Variants in GRAMD1A observed in about 807,000 individuals in gnomAD.
GRAMD1A encodes the protein GRAM domain containing 1A.
In GRAMD1A, 50 loss-of-function variants were observed where a neutral mutation model predicts 92.0. That is an observed-to-expected ratio of 0.54 (90% confidence interval 0.43 to 0.69). GRAMD1A has a LOEUF of 0.69. Ranked by LOEUF, GRAMD1A falls within the 30% of genes least tolerant of loss-of-function variation. The probability of loss-of-function intolerance (pLI) is 0.00; values close to 1 mark genes in which losing one functional copy is unlikely to be tolerated. For missense variants in GRAMD1A, 819 were observed against 978.9 expected, an observed-to-expected ratio of 0.84 and a Z score of 2.18; for synonymous variants, 405 against 403.6, an observed-to-expected ratio of 1.00 and a Z score of -0.04.
intron 19 of GRAMD1A, chr19:35,023,758 A>C (rs2016253052): frequency 1.9e-6 from 1 of 514,040 alleles, no homozygotes; most frequent in African/African-American, 1.9e-5. Flanking sequence ...CACGTCCTGG[A>C]GAAAAGTCCA....
intron 1 of GRAMD1A, among the ~76,000 whole-genome samples, chr19:35,006,216 G>A (rs756577533): frequency 2.0e-5 from 3 of 152,190 alleles, no homozygotes; most frequent in Non-Finnish European, 4.4e-5. Flanking sequence ...CAGCTACTGC[G>A]GAGGCTGAGG....
upstream of GRAMD1A, chr19:35,000,143 C>T: frequency 2.0e-6 from 2 of 1,000,976 alleles, no homozygotes; most frequent in Non-Finnish European, 2.4e-6. The surrounding 1 kb of genome is among the most constrained non-coding windows in gnomAD (Gnocchi z 4.9). Context: ...TTCTCTGTCT[C>T]TCTGCCCCTC....
intron 1 of GRAMD1A, among the ~76,000 whole-genome samples, chr19:35,008,903 C>T (rs1458509891): frequency 6.6e-6 from 1 of 152,170 alleles, no homozygotes; most frequent in African/African-American, 2.4e-5. Flanking sequence ...TGGATGAGGA[C>T]ATGTATTTAT....
chr19:35,007,845 C>T (rs1262924072), intron 1 of GRAMD1A, among the ~76,000 whole-genome samples: 1 of 151,934 alleles, frequency 6.6e-6, no homozygotes, highest in Non-Finnish European at 1.5e-5. Context: ...TGCACTCCAG[C>T]CTGAGTGACA....
chr19:35,009,378 C>T (rs202035308), intron 2 of GRAMD1A, 45 bp from the exon 3 acceptor site: 314 of 1,613,800 alleles, frequency 1.9e-4, no homozygotes, highest in African/African-American at 1.7e-3. Context: ...GGGGGCTGGC[C>T]GGTGATCTAG....
In GRAMD1A at chr19:35,015,884, A is replaced by T. The variant is rs1245942769; in HGVS notation, c.1130A>T (p.His377Leu). ...CGCCTCCTCATCAACTCTGTCTTCC[A>T]TGTGGGCGCTGAGCGGCTCCAGCAG... ...SGRLLINSVF[H>L]VGAERLQQML... Residue 377 changes from histidine to leucine, a missense_variant, in exon 11 of 20, where the codon CAT (histidine) becomes CTT (leucine). By Grantham distance (99) the His-to-Leu change is moderately conservative. Coordinates refer to ENST00000317991, the MANE Select transcript of GRAMD1A (RefSeq NM_020895.5). The T allele has an allele frequency of 2.5e-6, 4 of 1,613,826 alleles. No individual in the cohort carries two copies. The highest frequency in any genetic ancestry group is 1.7e-6 in the Non-Finnish European group (2 of 1,179,932).
chr19:35,007,620 T>A (rs1487011999), intron 1 of GRAMD1A, among the ~76,000 whole-genome samples: 1 of 151,984 alleles, frequency 6.6e-6, no homozygotes, highest in African/African-American at 2.4e-5. Context: ...ATACCAGCAC[T>A]TTGGTAGTGC....
intron 10 of GRAMD1A, chr19:35,015,503 C>G (rs1313743073): frequency 7.4e-6 from 2 of 269,178 alleles, no homozygotes; most frequent in African/African-American, 4.5e-5. Flanking sequence ...CCACTCACCC[C>G]TGAACCAATT....
chr19:35,012,715 C>T (rs1241486319), intron 7 of GRAMD1A, among the ~76,000 whole-genome samples: 1 of 152,224 alleles, frequency 6.6e-6, no homozygotes. Context: ...TGCCTGTAAT[C>T]CCAGCACTTT....
chr19:35,011,526 G>A lies in GRAMD1A; in HGVS notation c.578G>A (p.Arg193His), dbSNP rs1225479573. The A allele has an allele frequency of 1.1e-5, 17 of 1,611,274 alleles. No individual in the cohort carries two copies. Among genetic ancestry groups the A allele is most frequent in the Middle Eastern group, 1.7e-4 (1 of 6,054 alleles). Residue 193 changes from arginine (R) to histidine (H), a missense_variant, in exon 7 of 20, where the codon CGC becomes CAC. Physicochemically the swap from Arg to His is conservative, Grantham distance 29. This residue lies in a region of GRAMD1A where 144 missense variants were observed against 220.3 expected (regional missense o/e 0.65). Transcript: ENST00000317991. ...ARDRCFLLIFRLWQNALLEKT... is the reference protein window; with the variant it reads ...ARDRCFLLIFHLWQNALLEKT... Reference sequence around the variant, plus strand: ...GACCGCTGCTTCCTCCTCATCTTCCGCCTCTGGCAGAATGCACTGCTTGAA... The same window carrying A: ...GACCGCTGCTTCCTCCTCATCTTCCACCTCTGGCAGAATGCACTGCTTGAA...
chr19:35,010,247 C>G (rs754759797), intron 5 of GRAMD1A, 37 bp from the exon 6 acceptor site: 6 of 1,588,108 alleles, frequency 3.8e-6, no homozygotes, highest in Non-Finnish European at 5.2e-6. Flanking sequence ...ATGGCCAGGC[C>G]CCACCCCGCT....
intron 11 of GRAMD1A, among the ~76,000 whole-genome samples, chr19:35,017,907 C>T (rs2015758183): frequency 6.6e-6 from 1 of 152,166 alleles, no homozygotes; most frequent in South Asian, 2.1e-4. Flanking sequence ...GTTCATCTAT[C>T]CTGGTCTCCC....
At chr19:35,012,071 G>A (rs1028191122) in intron 7 of GRAMD1A, among the ~76,000 whole-genome samples, 2 of 152,234 alleles carry the variant, frequency 1.3e-5, no homozygotes, top group Non-Finnish European at 2.9e-5. Flanking sequence ...CCCATCCCCT[G>A]GGGCAAGTGA....
At position 35,010,279 on chromosome 19, in the gene GRAMD1A, C is replaced by T. The variant is rs1463551347; in HGVS notation, c.430-5C>T. On this transcript the variant is annotated splice_region_variant and splice_polypyrimidine_tract_variant and intron_variant, in intron 5 of 19. Transcript: ENST00000317991. ...CGCTCCTATTGACCCTCCTGCTGTC[C>T]TCAGATCTCCATCCAGCTGAAGGAA... 1.4e-5 allele frequency: 22 copies of T among 1,611,208 alleles called. No homozygotes were observed. The highest frequency in any genetic ancestry group is 1.7e-5 in the Non-Finnish European group (20 of 1,177,344).
intron 1 of GRAMD1A, among the ~76,000 whole-genome samples, chr19:35,007,722 A>C (rs985212486): frequency 1.6e-4 from 24 of 151,980 alleles, no homozygotes; most frequent in African/African-American, 5.6e-4. Context: ...TTTAAAAATA[A>C]AAAAGCTGAT....
chr19:35,006,551 C>T (rs1319936541), intron 1 of GRAMD1A, among the ~76,000 whole-genome samples: 3 of 152,204 alleles, frequency 2.0e-5, no homozygotes. Flanking sequence ...GTCCTTATTA[C>T]AGTTCGTGTT....
rs1360449232 is a variant in GRAMD1A at position 35,013,581 on chromosome 19, A to T, written c.760A>T (p.Ile254Phe). The change falls in exon 9 of 20, where the codon ATC becomes TTC. Residue 254 changes from isoleucine (I) to phenylalanine (F), a missense_variant. This residue lies in a region of GRAMD1A where 577 missense variants were observed against 674.6 expected (regional missense o/e 0.86). Transcript: ENST00000317991. The surrounding 1 kb of genome is among the most constrained non-coding windows in gnomAD (Gnocchi z 4.9). ...GGGAGATGTGATCGCCCTGAGCGAC[A>T]TCACCTCCTCGGGGGCAGCTGACCG... Reference protein sequence around the residue: ...EVGDVIALSDITSSGAADRSQ... With the variant: ...EVGDVIALSDFTSSGAADRSQ... 6.2e-7 allele frequency: 1 copy of T among 1,613,112 alleles called. No individual in the cohort carries two copies. Among genetic ancestry groups the T allele is most frequent in the East Asian group, 2.2e-5 (1 of 44,870 alleles).
rs772269538 is a variant in GRAMD1A at position 35,023,451 on chromosome 19, G to A, written c.1986G>A (p.Glu662=). Residue 662 remains glutamate (E), a synonymous_variant, in exon 19 of 20, where the codon GAG becomes GAA. Coordinates refer to ENST00000317991, the MANE Select transcript of GRAMD1A (RefSeq NM_020895.5). ...AKGKFPQTAT[E]WAEILALQKQ... Reference sequence around the variant, plus strand: ...GCAAGTTCCCCCAGACGGCCACAGAGTGGGCCGAGATCCTGGCGCTGCAGA... The same window carrying A: ...GCAAGTTCCCCCAGACGGCCACAGAATGGGCCGAGATCCTGGCGCTGCAGA... The A allele has an allele frequency of 5.7e-6, 9 of 1,591,138 alleles. No individual in the cohort carries two copies. The African/African-American group carries it at 1.1e-4, about 19-fold the overall frequency.
At chr19:35,017,017 A>G (rs986344442) in intron 11 of GRAMD1A, among the ~76,000 whole-genome samples, 8 of 151,896 alleles carry the variant, frequency 5.3e-5, no homozygotes, top group Admixed American at 5.3e-4. Flanking sequence ...ACAAAAATAA[A>G]AAAAAAAATT....
Sources: gnomAD v4.1 joint callset for allele counts (sites outside exome capture counted in the v4.1 genomes callset) on GRCh38, gnomAD v4.1.1 for gene constraint, gnomAD v4.1.1 regional missense constraint, Gnocchi (gnomAD v3.1) non-coding constraint, MANE v1.5 for transcripts, NCBI Gene and HGNC (gene_info 2026-07-23, HGNC 2026-07-21) for gene names.